Variants in TRIM56 observed in about 807,000 individuals in gnomAD.
TRIM56 encodes the protein tripartite motif containing 56.
Under a neutral mutation model 17.1 loss-of-function variants are expected in TRIM56, and 10 were observed. The ratio of observed to expected loss-of-function variants is 0.58; its 90% CI spans 0.36 to 0.99. TRIM56 has a LOEUF of 0.99. Among genes scored for constraint, TRIM56 ranks in the 50% least tolerant of loss-of-function variants. TRIM56 has a pLI of 0.01. For synonymous variants in TRIM56, 503 were observed against 473.5 expected, an observed-to-expected ratio of 1.06 and a Z score of -0.81; for missense variants, 923 against 1,052.3, an observed-to-expected ratio of 0.88 and a Z score of 1.70.
Position 101,087,161 on chromosome 7 carries a change from C to A in TRIM56, c.-9C>A. On this transcript the variant is annotated 5_prime_UTR_variant, in exon 2 of 3. Coordinates refer to ENST00000306085, the MANE Select transcript of TRIM56 (RefSeq NM_030961.3). The stretch of plus-strand genomic sequence containing the variant: ...CAGAAGACTAGAAGGAAGTTCCTGG[C>A]CATTCAGGTGAGACCTCAGGTTCCT... The A allele has an allele frequency of 1.4e-6, 1 of 728,442 alleles. No homozygotes were observed. Among genetic ancestry groups the A allele is most frequent in the Non-Finnish European group, 2.3e-6 (1 of 433,740 alleles). 45.1% of individuals were successfully genotyped at this position (728,442 alleles called of 1,614,324 possible). A position where few individuals can be genotyped will look rare whatever the true frequency, so the allele number is the denominator to read the frequency against.
In TRIM56 at chr7:101,088,052, A is replaced by G; in HGVS notation, c.740A>G (p.Gln247Arg). 1 of 1,534,376 alleles carries G rather than the reference A, an allele frequency of 6.5e-7. No homozygotes were observed. Residue 247 changes from glutamine to arginine, a missense_variant, in exon 3 of 3, where the codon CAG becomes CGG. Gln to Arg is a conservative substitution (Grantham distance 43). This residue lies in a region of TRIM56 where 643 missense variants were observed against 665.6 expected (regional missense o/e 0.97). Transcript: ENST00000306085. ...GAGGCGCTAGCCCGGCTGCGGGAGCAGGCGGCCCGGGTGGGGACTCAGGTG... is the reference window on the plus strand; with the variant it reads ...GAGGCGCTAGCCCGGCTGCGGGAGCGGGCGGCCCGGGTGGGGACTCAGGTG... ...EKEALARLRE[Q>R]AARVGTQVEE... is the part of the protein sequence containing the mutation.
Position 101,090,889 on chromosome 7 carries a change from A to T in TRIM56, c.*1309A>T, listed in dbSNP as rs559822801. ...TGTTGCCTTCTCTTCATTTTCCAGC[A>T]AAATTCCTTTTGAGATATGTTGGCC... On this transcript the variant is annotated 3_prime_UTR_variant, in exon 3 of 3. Coordinates refer to ENST00000306085, the MANE Select transcript of TRIM56 (RefSeq NM_030961.3). 6.6e-6 allele frequency: 1 copy of T among 152,092 alleles called. No individual in the cohort carries two copies. The highest frequency in any genetic ancestry group is 1.5e-5 in the Non-Finnish European group (1 of 68,040). 9.4% of individuals were successfully genotyped at this position (152,092 alleles called of 1,614,324 possible). A position where few individuals can be genotyped will look rare whatever the true frequency, so the allele number is the denominator to read the frequency against.
Position 101,089,111 on chromosome 7 carries a change from G to A in TRIM56, c.1799G>A (p.Gly600Glu), listed in dbSNP as rs762411584. ...CACGCGGTGGCGGCACTGCCTAGCG[G>A]GGACCGCGTGGCTGTCAGCGTGGCG... ...ASHAVAALPSGDRVAVSVAGH... is the reference protein window; with the variant it reads ...ASHAVAALPSEDRVAVSVAGH... The change falls in exon 3 of 3, where the codon GGG (glycine) becomes GAG (glutamate). Residue 600 changes from glycine (G) to glutamate (E), a missense_variant. Gly to Glu is a moderately conservative substitution (Grantham distance 98, BLOSUM62 -2). Coordinates refer to ENST00000306085, the MANE Select transcript of TRIM56 (RefSeq NM_030961.3). The A allele has an allele frequency of 7.5e-6, 12 of 1,604,712 alleles. No individual in the cohort carries two copies. The highest frequency in any genetic ancestry group is 1.0e-5 in the Non-Finnish European group (12 of 1,177,992).
In TRIM56 at chr7:101,091,950, A is replaced by G. The variant is rs1795573329; in HGVS notation, c.*2370A>G. 3.4e-6 allele frequency: 1 copy of G among 297,380 alleles called. No individual in the cohort carries two copies. Among genetic ancestry groups the G allele is most frequent in the Non-Finnish European group, 6.7e-6 (1 of 149,942 alleles). 18.4% of individuals were successfully genotyped at this position (297,380 alleles called of 1,614,324 possible). A position where few individuals can be genotyped will look rare whatever the true frequency, so the allele number is the denominator to read the frequency against. On this transcript the variant is annotated 3_prime_UTR_variant, in exon 3 of 3. Transcript: ENST00000306085. ...TTGCAGGCGCGCGCCGCCACGCCTG[A>G]CTGGTTTTCGTATTTTTTTGGTGGA...
Position 101,095,102 on chromosome 7 carries a change from C to T in TRIM56, c.*5522C>T, listed in dbSNP as rs1795636095. The T allele has an allele frequency of 6.7e-6, 1 of 150,074 alleles. No individual in the cohort carries two copies. The highest frequency in any genetic ancestry group is 1.5e-5 in the Non-Finnish European group (1 of 67,830). The allele number at this position is 150,074 out of a possible 1,614,324, so 9.3% of individuals were successfully genotyped here. A position where few individuals can be genotyped will look rare whatever the true frequency, so the allele number is the denominator to read the frequency against. ...AAAAAAAATGAGACTGAGCCAGGTG[C>T]AGTGGTCACTCCTGTTATCTCAGCA... On this transcript the variant is annotated 3_prime_UTR_variant, in exon 3 of 3. Coordinates refer to ENST00000306085, the MANE Select transcript of TRIM56 (RefSeq NM_030961.3).
At position 101,090,568 on chromosome 7, in the gene TRIM56, G is replaced by T. The variant is rs1166739870; in HGVS notation, c.*988G>T. The T allele has an allele frequency of 7.7e-6, 1 of 129,702 alleles. No individual in the cohort carries two copies. The highest frequency in any genetic ancestry group is 1.6e-5 in the Non-Finnish European group (1 of 63,854). The allele number at this position is 129,702 out of a possible 1,614,324, so 8.0% of individuals were successfully genotyped here. A position where few individuals can be genotyped will look rare whatever the true frequency, so the allele number is the denominator to read the frequency against. ...GAGCCGAGGAGTTTGAGTCTGCAGT[G>T]AGCTATGATCGCACCACTGCATTCC... On this transcript the variant is annotated 3_prime_UTR_variant, in exon 3 of 3. Transcript: ENST00000306085.
At position 101,089,839 on chromosome 7, in the gene TRIM56, T is replaced by C; in HGVS notation, c.*259T>C. The C allele has an allele frequency of 2.3e-6, 1 of 443,466 alleles. No homozygotes were observed. 27.5% of individuals were successfully genotyped at this position (443,466 alleles called of 1,614,324 possible). On this transcript the variant is annotated 3_prime_UTR_variant, in exon 3 of 3. Coordinates refer to ENST00000306085, the MANE Select transcript of TRIM56 (RefSeq NM_030961.3). ...TGGGAGTTCACCTGCCTCTTGCTTTTTGTGGGTGGCTGCTGCCACCACCGC... is the reference window on the plus strand; with the variant it reads ...TGGGAGTTCACCTGCCTCTTGCTTTCTGTGGGTGGCTGCTGCCACCACCGC...
intron 2 of TRIM56, 61 bp from the exon 3 acceptor site, chr7:101,087,251 G>T: frequency 6.7e-7 from 1 of 1,481,750 alleles, no homozygotes. Context: ...GGCGGTAGAA[G>T]CTAGAGGGTG....
In TRIM56 at chr7:101,089,044, G is replaced by A. The variant is rs995226252; in HGVS notation, c.1732G>A (p.Glu578Lys). 53 of 1,602,018 alleles carry A rather than the reference G, an allele frequency of 3.3e-5. No individual in the cohort carries two copies. The highest frequency in any genetic ancestry group is 1.6e-4 in the Middle Eastern group (1 of 6,074). ...GCTCTATCTCATCAACCCCAACGGC[G>A]AAGTGCAGTGGCGCAGGGCCCTGAG... ...ARLYLINPNG[E>K]VQWRRALSLS... The change falls in exon 3 of 3, where the codon GAA becomes AAA. Residue 578 changes from glutamate to lysine, a missense_variant. Physicochemically the swap from Glu to Lys is moderately conservative, Grantham distance 56 (BLOSUM62 1). Transcript: ENST00000306085.
At position 101,088,766 on chromosome 7, in the gene TRIM56, C is replaced by G. The variant is rs879446871; in HGVS notation, c.1454C>G (p.Ser485Cys). ...SPALGPNLDG[S>C]GLLPRPIFYC... is the part of the protein sequence containing the mutation. Reference sequence around the variant, plus strand: ...GCCCTGGGGCCGAATCTGGACGGCTCTGGCCTCCTCCCCAGACCCATCTTT... The same window carrying G: ...GCCCTGGGGCCGAATCTGGACGGCTGTGGCCTCCTCCCCAGACCCATCTTT... Residue 485 changes from serine to cysteine, a missense_variant, in exon 3 of 3, where the codon TCT (serine) becomes TGT (cysteine). Physicochemically the swap from Ser to Cys is moderately radical, Grantham distance 112. Around this residue, in one of 3 missense-constraint regions of TRIM56, gnomAD observed 643 missense variants for 665.6 expected, o/e 0.97. Coordinates refer to ENST00000306085, the MANE Select transcript of TRIM56 (RefSeq NM_030961.3). 2.5e-6 allele frequency: 4 copies of G among 1,613,922 alleles called. No individual in the cohort carries two copies. Among genetic ancestry groups the G allele is most frequent in the Non-Finnish European group, 3.4e-6 (4 of 1,180,046 alleles).
chr7:101,089,440 T>C lies in TRIM56; in HGVS notation c.2128T>C (p.Ser710Pro). 1.2e-6 allele frequency: 2 copies of C among 1,614,072 alleles called. No individual in the cohort carries two copies. The highest frequency in any genetic ancestry group is 1.7e-6 in the Non-Finnish European group (2 of 1,180,004). The change falls in exon 3 of 3, where the codon TCC becomes CCC. Residue 710 changes from serine to proline, a missense_variant. Transcript: ENST00000306085. The part of the protein sequence containing the change: ...NKVVILDPKG[S>P]LLGDFLTAYH... Reference sequence around the variant, plus strand: ...GGTGGTGATCCTGGACCCGAAGGGGTCCCTCCTTGGAGACTTCCTGACAGC... The same window carrying C: ...GGTGGTGATCCTGGACCCGAAGGGGCCCCTCCTTGGAGACTTCCTGACAGC...
In TRIM56 at chr7:101,089,309, AG is replaced by A; in HGVS notation, c.1999del (p.Val667TrpfsTer28). The part of the protein sequence containing the change: ...NSVVICDGLG[Q>X]VVGEYKGPGL... ...GTGGTAATCTGTGATGGGCTGGGCC[AG>A]GTGGTTGGGGAGTACAAGGGGCCAG... On this transcript the variant is annotated frameshift_variant, in exon 3 of 3. Coordinates refer to ENST00000306085, the MANE Select transcript of TRIM56 (RefSeq NM_030961.3). LOFTEE classifies it high-confidence loss of function. 1 of 1,603,610 alleles carries A rather than the reference AG, an allele frequency of 6.2e-7. No individual in the cohort carries two copies. Among genetic ancestry groups the A allele is most frequent in the Non-Finnish European group, 8.5e-7 (1 of 1,172,354 alleles).
chr7:101,086,553 T>A (rs1414526661), intron 1 of TRIM56, among the ~76,000 whole-genome samples: 1 of 107,956 alleles, frequency 9.3e-6, no homozygotes, highest in Admixed American at 1.1e-4. Context: ...AGAGTGAGAC[T>A]CTGTCTCAAA....
At chr7:101,087,225 G>A (rs912483986) in intron 2 of TRIM56, 57 bp downstream of exon 2, 93 of 1,283,648 alleles carry the variant, frequency 7.2e-5, no homozygotes, top group Admixed American at 1.6e-4. Context: ...CTGGGGATCC[G>A]TGGGGCTTGA....
intron 1 of TRIM56, chr7:101,086,797 C>A (rs887614260): frequency 6.4e-6 from 1 of 155,818 alleles, no homozygotes; most frequent in Non-Finnish European, 1.4e-5. Flanking sequence ...AAGATCCTAC[C>A]CCAACTGGCA....
rs1584892623 is a variant in TRIM56 at position 101,093,374 on chromosome 7, T to C, written c.*3794T>C. 7.0e-6 allele frequency: 1 copy of C among 143,582 alleles called. No individual in the cohort carries two copies. The highest frequency in any genetic ancestry group is 2.2e-4 in the South Asian group (1 of 4,518). 8.9% of individuals were successfully genotyped at this position (143,582 alleles called of 1,614,324 possible). A position where few individuals can be genotyped will look rare whatever the true frequency, so the allele number is the denominator to read the frequency against. ...AAAAAAAAAAAGAAAACCAAGAAGATGGGAAAACCATGCAGAATTGATTTG... is the reference window on the plus strand; with the variant it reads ...AAAAAAAAAAAGAAAACCAAGAAGACGGGAAAACCATGCAGAATTGATTTG... On this transcript the variant is annotated 3_prime_UTR_variant, in exon 3 of 3. Transcript: ENST00000306085.
In TRIM56 at chr7:101,088,660, C is replaced by T. The variant is rs1191226026; in HGVS notation, c.1348C>T (p.Gln450Ter). The T allele has an allele frequency of 1.2e-6, 2 of 1,613,954 alleles. No individual in the cohort carries two copies. Among genetic ancestry groups the T allele is most frequent in the Non-Finnish European group, 1.7e-6 (2 of 1,179,964 alleles). ...AQTPHEDGGP[Q>*]PHRGGRPNKK... ...GACACCCCACGAGGATGGAGGACCC[C>T]AGCCCCACAGGGGTGGCAGACCCAA... The change falls in exon 3 of 3, where the codon CAG becomes TAG. Residue 450 changes from glutamine (Q) to a stop codon, truncating the protein, a stop_gained. Transcript: ENST00000306085. LOFTEE classifies it high-confidence loss of function.
At position 101,088,148 on chromosome 7, in the gene TRIM56, C is replaced by A; in HGVS notation, c.836C>A (p.Ala279Asp). The A allele has an allele frequency of 6.7e-7, 1 of 1,500,140 alleles. No individual in the cohort carries two copies. The highest frequency in any genetic ancestry group is 8.9e-7 in the Non-Finnish European group (1 of 1,124,372). The allele number at this position is 1,500,140 out of a possible 1,614,324, so 92.9% of individuals were successfully genotyped here. Reference protein sequence around the residue: ...QKQEVLGQLRAHVEAAEEAAR... With the variant: ...QKQEVLGQLRDHVEAAEEAAR... ...CAGGAGGTGCTGGGGCAGCTACGAG[C>A]CCACGTGGAGGCTGCCGAAGAAGCT... Residue 279 changes from alanine to aspartate, a missense_variant, in exon 3 of 3, where the codon GCC (alanine) becomes GAC (aspartate). Ala to Asp is a moderately radical substitution (Grantham distance 126, BLOSUM62 -2). Coordinates refer to ENST00000306085, the MANE Select transcript of TRIM56 (RefSeq NM_030961.3).
rs1173668904 is a variant in TRIM56, at chr7:101,088,036, G to A, written c.724G>A (p.Ala242Thr). Reference protein sequence around the residue: ...AARRVEKEALARLREQAARVG... With the variant: ...AARRVEKEALTRLREQAARVG... The stretch of plus-strand genomic sequence containing the variant: ...GCGGAGGGTGGAGAAGGAGGCGCTA[G>A]CCCGGCTGCGGGAGCAGGCGGCCCG... Residue 242 changes from alanine to threonine, a missense_variant, in exon 3 of 3, where the codon GCC (alanine) becomes ACC (threonine). Physicochemically the swap from Ala to Thr is moderately conservative, Grantham distance 58. Coordinates refer to ENST00000306085, the MANE Select transcript of TRIM56 (RefSeq NM_030961.3). 1.3e-6 allele frequency: 2 copies of A among 1,547,234 alleles called. No individual in the cohort carries two copies. Among genetic ancestry groups the A allele is most frequent in the Admixed American group, 3.8e-5 (2 of 52,484 alleles).
Sources: gnomAD v4.1 joint callset for allele counts (sites outside exome capture counted in the v4.1 genomes callset) on GRCh38, gnomAD v4.1.1 for gene constraint, gnomAD v4.1.1 regional missense constraint, MANE v1.5 for transcripts, NCBI Gene and HGNC (gene_info 2026-07-23, HGNC 2026-07-21) for gene names.